VWA8: variants seen among roughly 807,000 people sequenced by gnomAD.
VWA8 encodes von Willebrand factor A domain-containing protein 8.
In VWA8, 221 loss-of-function variants were observed where a neutral mutation model predicts 241.5. The observed-to-expected ratio is 0.91, with a 90% confidence interval of 0.82 to 1.02. The LOEUF (loss-of-function observed/expected upper bound fraction) is 1.02, where lower values mean the gene tolerates loss of function less well. Ranked by LOEUF, VWA8 falls within the 50% of genes least tolerant of loss-of-function variation. VWA8 has a pLI of 0.00. For missense variants in VWA8, 2,322 were observed against 2,328.7 expected (o/e 1.00, Z 0.06); for synonymous variants, 852 against 827.1 (o/e 1.03, Z -0.52).
Position 41,566,942 on chromosome 13 carries a change from T to C in VWA8, c.*1255A>G, listed in dbSNP as rs1347850412. 6.6e-6 allele frequency: 1 copy of C among 152,238 alleles called. No homozygotes were observed. Among genetic ancestry groups the C allele is most frequent in the Non-Finnish European group, 1.5e-5 (1 of 68,040 alleles). 9.4% of individuals were successfully genotyped at this position (152,238 alleles called of 1,614,324 possible). On this transcript the variant is annotated 3_prime_UTR_variant, in exon 45 of 45. Coordinates refer to ENST00000379310, the MANE Select transcript of VWA8 (RefSeq NM_015058.2). ...TCTTCTTTCCTATAATTAATTAAAATGAAATTATGGACCTGTACAATTTCA... is the reference window on the plus strand; with the variant it reads ...TCTTCTTTCCTATAATTAATTAAAACGAAATTATGGACCTGTACAATTTCA...
intron 37 of VWA8, among the ~76,000 whole-genome samples, chr13:41,640,002 G>A (rs973255166): frequency 1.3e-5 from 2 of 152,116 alleles, no homozygotes; most frequent in Non-Finnish European, 2.9e-5. Flanking sequence ...GGTGGGCCAC[G>A]CTTGGAAGCA....
At chr13:41,876,017 C>A (rs576226529) in intron 9 of VWA8, among the ~76,000 whole-genome samples, 3 of 152,198 alleles carry the variant, frequency 2.0e-5, no homozygotes, top group South Asian at 2.1e-4. Flanking sequence ...ATCCTTAACT[C>A]TGTATCAACC....
chr13:41,875,769 T>C (rs1426037127), intron 9 of VWA8, among the ~76,000 whole-genome samples: 2 of 152,096 alleles, frequency 1.3e-5, no homozygotes, highest in African/African-American at 4.8e-5. Flanking sequence ...ACTTTTTAAA[T>C]AAGCTCATCA....
chr13:41,877,116 T>C (rs547128739), intron 9 of VWA8, among the ~76,000 whole-genome samples: 29 of 152,194 alleles, frequency 1.9e-4, no homozygotes, highest in Non-Finnish European at 2.4e-4. Context: ...AAAAGGGTTC[T>C]AGTATATGGA....
intron 19 of VWA8, among the ~76,000 whole-genome samples, chr13:41,779,357 T>C (rs903125831): frequency 1.3e-5 from 2 of 151,730 alleles, no homozygotes; most frequent in African/African-American, 4.8e-5. Flanking sequence ...TGAGAAAGTG[T>C]TTTATCTCCT....
chr13:41,572,470 G>A (rs925840338), intron 43 of VWA8, among the ~76,000 whole-genome samples: 2 of 152,184 alleles, frequency 1.3e-5, no homozygotes, highest in African/African-American at 4.8e-5. Flanking sequence ...TCTGCCTTGG[G>A]ATGCTGTTAA....
At chr13:41,749,535 G>T (rs751384471) in intron 21 of VWA8, among the ~76,000 whole-genome samples, 1 of 152,112 alleles carries the variant, frequency 6.6e-6, no homozygotes, top group African/African-American at 2.4e-5. Flanking sequence ...AAATCATGCT[G>T]TTATAAAGAC....
intron 1 of VWA8, 114 bp downstream of exon 1, chr13:41,960,739 G>C: frequency 3.7e-6 from 5 of 1,360,154 alleles, no homozygotes; most frequent in South Asian, 1.6e-5. Flanking sequence ...CTCCCCGCTC[G>C]GCAAACGGTC....
chr13:41,958,966 A>G (rs969516108), intron 1 of VWA8, among the ~76,000 whole-genome samples: 3 of 152,242 alleles, frequency 2.0e-5, no homozygotes, highest in African/African-American at 4.8e-5. Context: ...TTTACAATCA[A>G]CATGTATTAT....
chr13:41,765,881 G>A (rs780505924), intron 20 of VWA8, among the ~76,000 whole-genome samples: 1 of 152,094 alleles, frequency 6.6e-6, no homozygotes, highest in Non-Finnish European at 1.5e-5. Context: ...AGAAACTTGT[G>A]GAATGAGAGC....
intron 9 of VWA8, among the ~76,000 whole-genome samples, chr13:41,882,742 G>A (rs938000469): frequency 4.6e-5 from 7 of 150,614 alleles, no homozygotes; most frequent in African/African-American, 9.9e-5. Flanking sequence ...GCAGTGAGCC[G>A]AGATGGCAGC....
At chr13:41,605,539 A>G (rs1036534286) in intron 39 of VWA8, among the ~76,000 whole-genome samples, 1 of 152,134 alleles carries the variant, frequency 6.6e-6, no homozygotes, top group African/African-American at 2.4e-5. Flanking sequence ...CATGATGTAA[A>G]CATTGCCACC....
rs756103662 is a variant in VWA8, at chr13:41,885,913, T to C, written c.975+7A>G. The C allele has an allele frequency of 1.3e-6, 2 of 1,561,024 alleles. No homozygotes were observed. Among genetic ancestry groups the C allele is most frequent in the Non-Finnish European group, 1.7e-6 (2 of 1,157,300 alleles). On this transcript the variant is annotated splice_region_variant and intron_variant, in intron 8 of 44. Coordinates refer to ENST00000379310, the MANE Select transcript of VWA8 (RefSeq NM_015058.2). Reference sequence around the variant, plus strand: ...GGGTATGCCAGTCATTAATTTATTTTACTTACCAAGATTTGAACCGCAGCT... The same window carrying C: ...GGGTATGCCAGTCATTAATTTATTTCACTTACCAAGATTTGAACCGCAGCT...
At chr13:41,835,783 C>T (rs1216696747) in intron 12 of VWA8, among the ~76,000 whole-genome samples, 1 of 151,874 alleles carries the variant, frequency 6.6e-6, no homozygotes, top group East Asian at 1.9e-4. Context: ...TACAAACACA[C>T]AGAATTTTTT....
chr13:41,921,262 A>G (rs990415440), intron 2 of VWA8, among the ~76,000 whole-genome samples: 1 of 152,214 alleles, frequency 6.6e-6, no homozygotes, highest in East Asian at 1.9e-4. Context: ...AACTCTCAAT[A>G]AATTAGGTAT....
chr13:41,734,647 A>G (rs2045511582), intron 21 of VWA8, among the ~76,000 whole-genome samples: 1 of 152,186 alleles, frequency 6.6e-6, no homozygotes, highest in Non-Finnish European at 1.5e-5. Context: ...CAGTTTCTTC[A>G]GTTAATTCTC....
intron 2 of VWA8, among the ~76,000 whole-genome samples, chr13:41,930,511 A>G (rs1191153642): frequency 6.6e-6 from 1 of 152,230 alleles, no homozygotes; most frequent in Non-Finnish European, 1.5e-5. Flanking sequence ...CAGGTTGAGC[A>G]GCTCTAATCC....
rs143345278 is a variant in VWA8, at chr13:41,746,130, T to C, written c.2427-13975A>G. On this transcript the variant is annotated intron_variant, in intron 21 of 44. Coordinates refer to ENST00000379310, the MANE Select transcript of VWA8 (RefSeq NM_015058.2). The stretch of plus-strand genomic sequence containing the variant: ...ATCAAATTTGGAAAAATATGAACAG[T>C]TGTTAAATCTGGGTGATAAATTTGG... Among the ~76,000 whole-genome samples the C allele has an allele frequency of 7.0e-3, 1,072 of 152,278 alleles. 10 individuals carry two copies. Among genetic ancestry groups the C allele is most frequent in the Non-Finnish European group, 8.3e-3 (563 of 68,032 alleles).
chr13:41,882,031 G>T (rs1013724076), intron 9 of VWA8, among the ~76,000 whole-genome samples: 2 of 147,742 alleles, frequency 1.4e-5, no homozygotes, highest in South Asian at 2.2e-4. Flanking sequence ...GGGCGGAGGG[G>T]CTCCTCACTT....
Sources: gnomAD v4.1 joint callset for allele counts (sites outside exome capture counted in the v4.1 genomes callset) on GRCh38, gnomAD v4.1.1 for gene constraint, MANE v1.5 for transcripts, NCBI Gene and HGNC (gene_info 2026-07-23, HGNC 2026-07-21) for gene names.